Variants in ATP11B observed in about 807,000 individuals in gnomAD.
The protein encoded by ATP11B is phospholipid-transporting ATPase IF.
In ATP11B, 81 loss-of-function variants were observed where a neutral mutation model predicts 157.8. That is an observed-to-expected ratio of 0.51 (90% CI 0.43 to 0.62). ATP11B has a LOEUF of 0.62. Among genes scored for constraint, ATP11B ranks in the 20% least tolerant of loss-of-function variants. The pLI is 0.00. For missense variants in ATP11B, 1,165 were observed against 1,402.2 expected, an observed-to-expected ratio of 0.83 and a Z score of 2.70; for synonymous variants, 451 against 469.4, an observed-to-expected ratio of 0.96 and a Z score of 0.51.
intron 25 of ATP11B, among the ~76,000 whole-genome samples, chr3:182,895,840 T>C (rs1348040351): frequency 6.6e-6 from 1 of 152,130 alleles, no homozygotes; most frequent in Admixed American, 6.5e-5. Flanking sequence ...TTCTGACCCT[T>C]GTTCTGGCAG....
chr3:182,877,861 T>C (rs562592941), intron 19 of ATP11B, among the ~76,000 whole-genome samples: 1 of 152,214 alleles, frequency 6.6e-6, no homozygotes, highest in Non-Finnish European at 1.5e-5. Context: ...TATTATCCCA[T>C]GGATTGTAAG....
chr3:182,849,086 G>T (rs922431970), intron 10 of ATP11B, among the ~76,000 whole-genome samples: 2 of 152,206 alleles, frequency 1.3e-5, no homozygotes, highest in Admixed American at 1.3e-4. Flanking sequence ...GGAAAATAAT[G>T]TAAGGGGATT....
chr3:182,836,321 CT>C lies in ATP11B; in HGVS notation c.424-19del, dbSNP rs1286107112. 2.5e-6 allele frequency: 4 copies of C among 1,612,300 alleles called. No homozygotes were observed. In the East Asian group the frequency reaches 6.7e-5, roughly 27 times the overall value. ...GCCTTTTAAAATTTATAAATTCACT[CT>C]TCCCCAAAATTCTTTATAGGTGGGT... is the stretch of plus-strand genomic sequence containing the variant. On this transcript the variant is annotated intron_variant, in intron 5 of 29. Coordinates refer to ENST00000323116, the MANE Select transcript of ATP11B (RefSeq NM_014616.3).
intron 28 of ATP11B, among the ~76,000 whole-genome samples, chr3:182,903,117 A>C (rs1724083188): frequency 6.6e-6 from 1 of 152,136 alleles, no homozygotes; most frequent in South Asian, 2.1e-4. Flanking sequence ...TCATTCTGTC[A>C]GTTTGTACAA....
At chr3:182,839,628 G>C (rs1001587429) in intron 7 of ATP11B, among the ~76,000 whole-genome samples, 22 of 30,148 alleles carry the variant, frequency 7.3e-4, no homozygotes, top group Non-Finnish European at 1.9e-3. Flanking sequence ...ATTTATTTTT[G>C]AAACAGTGTC....
intron 4 of ATP11B, among the ~76,000 whole-genome samples, chr3:182,834,342 A>G (rs920980153): frequency 1.3e-5 from 2 of 152,174 alleles, no homozygotes; most frequent in African/African-American, 4.8e-5. Context: ...TAATTTCATA[A>G]TATTTTAAAA....
At chr3:182,898,327 T>G (rs1723703232) in intron 27 of ATP11B, among the ~76,000 whole-genome samples, 1 of 152,160 alleles carries the variant, frequency 6.6e-6, no homozygotes, top group Non-Finnish European at 1.5e-5. Flanking sequence ...ACTTGGTCCC[T>G]TAAGTCTGTA....
At chr3:182,814,212 C>T (rs1310765545) in intron 1 of ATP11B, among the ~76,000 whole-genome samples, 1 of 151,984 alleles carries the variant, frequency 6.6e-6, no homozygotes, top group Non-Finnish European at 1.5e-5. Context: ...TACAGGCACG[C>T]ACCACCACAC....
At chr3:182,860,680 TTTTA>T (rs965794622) in intron 12 of ATP11B, among the ~76,000 whole-genome samples, 3 of 152,146 alleles carry the variant, frequency 2.0e-5, no homozygotes, top group African/African-American at 7.2e-5. Flanking sequence ...AATTTTCAGT[TTTTA>T]TTTATTTGTT....
intron 8 of ATP11B, chr3:182,844,608 T>TA (rs1268484233): frequency 1.9e-5 from 18 of 957,964 alleles, no homozygotes; most frequent in Non-Finnish European, 2.2e-5. Context: ...GTAGTCAAGT[T>TA]ATACTGTGCG....
At chr3:182,886,411 C>T (rs1722794604) in intron 23 of ATP11B, among the ~76,000 whole-genome samples, 1 of 151,946 alleles carries the variant, frequency 6.6e-6, no homozygotes, top group Non-Finnish European at 1.5e-5. Context: ...TGATTTAGTC[C>T]AGGGATGGCA....
chr3:182,837,020 A>C (rs1718603384), intron 6 of ATP11B, 51 bp from the exon 7 acceptor site: 1 of 1,318,898 alleles, frequency 7.6e-7, no homozygotes, highest in Admixed American at 1.7e-5. Context: ...ACTGATATTG[A>C]AGGTCGCAAT....
At position 182,884,804 on chromosome 3, in the gene ATP11B, T is replaced by C; in HGVS notation, c.2561T>C (p.Ile854Thr). The change falls in exon 22 of 30, where the codon ATA (isoleucine) becomes ACA (threonine). Residue 854 changes from isoleucine to threonine, a missense_variant. By Grantham distance (89) the Ile-to-Thr change is moderately conservative (BLOSUM62 -1). Transcript: ENST00000323116. ...GCTGCAAGAAACAGTGACTATGCAA[T>C]AGCCAGATTTAAGTTCCTCTCCAAA... ...RQAARNSDYA[I>T]ARFKFLSKLL... The C allele has an allele frequency of 6.2e-7, 1 of 1,601,822 alleles. No individual in the cohort carries two copies. The highest frequency in any genetic ancestry group is 1.8e-5 in the Admixed American group (1 of 56,974).
At chr3:182,892,389 GT>G (rs1380801122) in intron 25 of ATP11B, among the ~76,000 whole-genome samples, 1 of 152,134 alleles carries the variant, frequency 6.6e-6, no homozygotes, top group Non-Finnish European at 1.5e-5. Context: ...GCATGCCCAA[GT>G]TATCAGTAAA....
chr3:182,886,698 C>T (rs976713669), intron 23 of ATP11B, among the ~76,000 whole-genome samples: 7 of 152,192 alleles, frequency 4.6e-5, no homozygotes, highest in African/African-American at 1.7e-4. Context: ...CCTACTGCTT[C>T]TGACTAATGT....
At position 182,835,977 on chromosome 3, in the gene ATP11B, A is replaced by T. The variant is rs1718518361; in HGVS notation, c.316-58A>T. 9.1e-6 allele frequency: 13 copies of T among 1,420,906 alleles called. No individual in the cohort carries two copies. In the East Asian group the frequency reaches 1.4e-4, roughly 16 times the overall value. 88.0% of individuals were successfully genotyped at this position (1,420,906 alleles called of 1,614,324 possible). A position where few individuals can be genotyped will look rare whatever the true frequency, so the allele number is the denominator to read the frequency against. On this transcript the variant is annotated intron_variant, in intron 4 of 29. Coordinates refer to ENST00000323116, the MANE Select transcript of ATP11B (RefSeq NM_014616.3). ...GTTTTTGAGTTTTTTTTCTTATTTGATAAAAGTATCTTCAAATTATACTGA... is the reference window on the plus strand; with the variant it reads ...GTTTTTGAGTTTTTTTTCTTATTTGTTAAAAGTATCTTCAAATTATACTGA...
At chr3:182,909,495 C>T (rs1724613594) in intron 28 of ATP11B, among the ~76,000 whole-genome samples, 1 of 152,030 alleles carries the variant, frequency 6.6e-6, no homozygotes, top group Non-Finnish European at 1.5e-5. Context: ...TAAAAGTGGT[C>T]TCCCAAAACA....
intron 1 of ATP11B, among the ~76,000 whole-genome samples, chr3:182,794,041 C>T (rs1237290575): frequency 2.0e-5 from 3 of 152,138 alleles, no homozygotes; most frequent in Non-Finnish European, 4.4e-5. Context: ...CGGCGCTTCT[C>T]CGTTACTTCT....
intron 14 of ATP11B, 83 bp downstream of exon 14, chr3:182,866,526 C>T: frequency 8.3e-7 from 1 of 1,209,436 alleles, no homozygotes; most frequent in African/African-American, 1.6e-5. Context: ...TTAAAATTTT[C>T]AAACATAAAT....
Sources: gnomAD v4.1 joint callset for allele counts (sites outside exome capture counted in the v4.1 genomes callset) on GRCh38, gnomAD v4.1.1 for gene constraint, MANE v1.5 for transcripts, NCBI Gene and HGNC (gene_info 2026-07-23, HGNC 2026-07-21) for gene names.